RIMS2: variants seen among roughly 807,000 people sequenced by gnomAD.
RIMS2 encodes the protein regulating synaptic membrane exocytosis protein 2.
Under a neutral mutation model 174.4 loss-of-function variants are expected in RIMS2, and 59 were observed. The ratio of observed to expected loss-of-function variants is 0.34; its 90% CI spans 0.27 to 0.42. The LOEUF is 0.42. Among genes scored for constraint, RIMS2 ranks in the 10% least tolerant of loss-of-function variants. The probability of loss-of-function intolerance (pLI) is 1.00; values close to 1 mark genes in which losing one functional copy is unlikely to be tolerated. For synonymous variants in RIMS2, 606 were observed against 572.5 expected, an observed-to-expected ratio of 1.06 and a Z score of -0.84; for missense variants, 1,620 against 1,666.3, an observed-to-expected ratio of 0.97 and a Z score of 0.48.
At chr8:104,059,283 A>C (rs1178240247) in intron 19 of RIMS2, among the ~76,000 whole-genome samples, 1 of 149,232 alleles carries the variant, frequency 6.7e-6, no homozygotes, top group African/African-American at 2.5e-5. Context: ...GAGGTCCTTC[A>C]CATCCCTTGT....
At chr8:104,022,763 C>T (rs1391834362) in intron 19 of RIMS2, among the ~76,000 whole-genome samples, 4 of 152,132 alleles carry the variant, frequency 2.6e-5, no homozygotes, top group Admixed American at 1.3e-4. Context: ...ATTATTGGAA[C>T]CTCAGTTATA....
At chr8:104,174,733 G>C (rs1226674827) in intron 19 of RIMS2, among the ~76,000 whole-genome samples, 1 of 152,152 alleles carries the variant, frequency 6.6e-6, no homozygotes, top group African/African-American at 2.4e-5. Flanking sequence ...GGTAGGAAAA[G>C]AAACAATAAA....
chr8:103,596,968 A>G (rs2094501956), intron 1 of RIMS2, among the ~76,000 whole-genome samples: 1 of 152,098 alleles, frequency 6.6e-6, no homozygotes, highest in Non-Finnish European at 1.5e-5. Flanking sequence ...TATTTTTTCC[A>G]TCAAAACAGC....
chr8:103,701,443 T>C (rs2097166258), intron 2 of RIMS2, among the ~76,000 whole-genome samples: 1 of 152,116 alleles, frequency 6.6e-6, no homozygotes, highest in Non-Finnish European at 1.5e-5. Flanking sequence ...CCCAAATCTT[T>C]TCTCCCAGCT....
chr8:104,250,033 T>G (rs955087118), intron 22 of RIMS2, among the ~76,000 whole-genome samples: 2 of 152,200 alleles, frequency 1.3e-5, no homozygotes, highest in Admixed American at 6.5e-5. Flanking sequence ...TGCTGGATAT[T>G]CTAATTATAA....
chr8:104,123,891 C>A (rs183770825), intron 19 of RIMS2, among the ~76,000 whole-genome samples: 16 of 152,154 alleles, frequency 1.1e-4, no homozygotes, highest in Non-Finnish European at 8.8e-5. Flanking sequence ...TTTCTATACA[C>A]CAACACATGA....
chr8:104,093,564 A>T (rs1167055993), intron 19 of RIMS2: 3 of 1,597,592 alleles, frequency 1.9e-6, no homozygotes, highest in Non-Finnish European at 2.5e-6. Flanking sequence ...GGTTTCAAGG[A>T]CTAGTAGTGC....
At position 103,766,377 on chromosome 8, in the gene RIMS2, A is replaced by C. The variant is rs745949957; in HGVS notation, c.538A>C (p.Lys180Gln). The C allele has an allele frequency of 6.2e-7, 1 of 1,613,854 alleles. No homozygotes were observed. The highest frequency in any genetic ancestry group is 8.5e-7 in the Non-Finnish European group (1 of 1,179,892). The change falls in exon 3 of 24, where the codon AAA becomes CAA. Residue 180 changes from lysine to glutamine, a missense_variant. Physicochemically the swap from Lys to Gln is moderately conservative, Grantham distance 53. This residue lies in a region of RIMS2 where 1,395 missense variants were observed against 1,360.1 expected (regional missense o/e 1.03). Coordinates refer to ENST00000504942, the Ensembl canonical transcript of RIMS2. The stretch of plus-strand genomic sequence containing the variant: ...AAATGAGGAGGCACCTCAGGAGAAG[A>C]AACCAAAACTACATGAGCAGACCCA...
chr8:104,156,995 C>T (rs1323881094), intron 19 of RIMS2, among the ~76,000 whole-genome samples: 3 of 152,138 alleles, frequency 2.0e-5, no homozygotes, highest in African/African-American at 7.2e-5. Context: ...CAAACTAACC[C>T]TATAGGATAT....
chr8:103,683,865 G>A (rs566142780), intron 1 of RIMS2, among the ~76,000 whole-genome samples: 2 of 152,260 alleles, frequency 1.3e-5, no homozygotes, highest in South Asian at 2.1e-4. Context: ...AACCTGGTGT[G>A]AGATTATCAG....
chr8:103,855,226 G>A (rs1212932423), intron 3 of RIMS2, among the ~76,000 whole-genome samples: 3 of 151,720 alleles, frequency 2.0e-5, no homozygotes, highest in Non-Finnish European at 4.4e-5. Flanking sequence ...ATTTCTGATT[G>A]TACTTATTTG....
Position 103,889,823 on chromosome 8 carries a change from T to G in RIMS2, c.1624+3600T>G, listed in dbSNP as rs188294328. On this transcript the variant is annotated intron_variant, in intron 4 of 23. Transcript: ENST00000504942. ...ATGTCATTTCATTCAGTATGTTCTG[T>G]TAAATGATGCTGCTAATTACAATGA... is the stretch of plus-strand genomic sequence containing the variant. Among the ~76,000 whole-genome samples the G allele has an allele frequency of 4.6e-5, 7 of 152,026 alleles. No individual in the cohort carries two copies. In the East Asian group the frequency reaches 1.4e-3, roughly 30 times the overall value.
At chr8:104,040,448 A>G (rs530328815) in intron 19 of RIMS2, among the ~76,000 whole-genome samples, 8 of 151,784 alleles carry the variant, frequency 5.3e-5, no homozygotes, top group Non-Finnish European at 7.4e-5. Flanking sequence ...AAGTCACTGT[A>G]TAAAATGTTA....
intron 13 of RIMS2, among the ~76,000 whole-genome samples, chr8:103,941,448 C>T (rs1255938172): frequency 1.3e-5 from 2 of 151,996 alleles, no homozygotes; most frequent in Non-Finnish European, 2.9e-5. Flanking sequence ...GATTGCACCC[C>T]TGCACTCCAG....
In RIMS2 at chr8:103,936,503, A is replaced by G. The variant is rs751283251; in HGVS notation, c.2376-48A>G. ...TTTTAAATTAAAAAATTTTAGGACAAAACTTATAGTTCTATGTAAGTTCAT... is the reference window on the plus strand; with the variant it reads ...TTTTAAATTAAAAAATTTTAGGACAGAACTTATAGTTCTATGTAAGTTCAT... On this transcript the variant is annotated intron_variant, in intron 12 of 23. Coordinates refer to ENST00000504942, the Ensembl canonical transcript of RIMS2. 6 of 1,281,228 alleles carry G rather than the reference A, an allele frequency of 4.7e-6. No individual in the cohort carries two copies. In the African/African-American group the frequency reaches 6.1e-5, roughly 13 times the overall value. 79.4% of individuals were successfully genotyped at this position (1,281,228 alleles called of 1,614,324 possible).
chr8:104,138,372 T>C (rs2098538900), intron 19 of RIMS2, among the ~76,000 whole-genome samples: 1 of 152,222 alleles, frequency 6.6e-6, no homozygotes, highest in South Asian at 2.1e-4. Flanking sequence ...ATAGTAGTTG[T>C]ACTAATTTAC....
intron 3 of RIMS2, among the ~76,000 whole-genome samples, chr8:103,861,863 T>G (rs867846904): frequency 6.6e-6 from 1 of 152,172 alleles, no homozygotes; most frequent in Non-Finnish European, 1.5e-5. Context: ...TTGAGTTCCA[T>G]GTAGATTCTA....
chr8:103,501,094 T>A, intron 1 of RIMS2, 32 bp downstream of exon 1: 1 of 1,511,218 alleles, frequency 6.6e-7, no homozygotes, highest in Admixed American at 1.9e-5. Flanking sequence ...CCCGCCTCTC[T>A]CCCTGCCCTC....
At chr8:103,760,466 C>A (rs74989019) in intron 2 of RIMS2, among the ~76,000 whole-genome samples, 1 of 152,218 alleles carries the variant, frequency 6.6e-6, no homozygotes, top group Non-Finnish European at 1.5e-5. Flanking sequence ...GCCAATGTGT[C>A]TACTTTCAAA....
Sources: gnomAD v4.1 joint callset for allele counts (sites outside exome capture counted in the v4.1 genomes callset) on GRCh38, gnomAD v4.1.1 for gene constraint, gnomAD v4.1.1 regional missense constraint, MANE v1.5 for transcripts, NCBI Gene and HGNC (gene_info 2026-07-23, HGNC 2026-07-21) for gene names.